The following GRIP1 variants were observed in gnomAD, a reference collection of about 807,000 sequenced individuals.
The protein encoded by GRIP1 is glutamate receptor-interacting protein 1.
In GRIP1, 45 loss-of-function variants were observed where a neutral mutation model predicts 129.9. The ratio of observed to expected loss-of-function variants is 0.35; its 90% confidence interval spans 0.27 to 0.44. GRIP1 has a LOEUF of 0.44. GRIP1 is among the 20% of genes least tolerant of loss of function. GRIP1 has a pLI of 1.00. For synonymous variants in GRIP1, 530 were observed against 520.8 expected, an observed-to-expected ratio of 1.02 and a Z score of -0.24; for missense variants, 1,196 against 1,396.8, an observed-to-expected ratio of 0.86 and a Z score of 2.29.
chr12:66,994,856 T>C (rs1428903745), intron 1 of GRIP1, among the ~76,000 whole-genome samples: 1 of 152,070 alleles, frequency 6.6e-6, no homozygotes, highest in Non-Finnish European at 1.5e-5. Context: ...AAAATTTATA[T>C]GGAATTTCAA....
chr12:66,772,236 C>A (rs546884511), intron 1 of GRIP1, among the ~76,000 whole-genome samples: 1 of 152,338 alleles, frequency 6.6e-6, no homozygotes, highest in African/African-American at 2.4e-5. Context: ...TAGAGCTCTC[C>A]ATCCCATCCT....
rs191920126 is a variant in GRIP1 at position 67,012,502 on chromosome 12, C to T, written c.58+56548G>A. On this transcript the variant is annotated intron_variant, in intron 1 of 1. Transcript: ENST00000643019. ...TTCCAATCTTAGGTTTCTAAGCCAT[C>T]ACTTAGGACCTGCCCATTAAGAGCA... Among the ~76,000 whole-genome samples, 14 of 152,298 alleles carry T rather than the reference C, an allele frequency of 9.2e-5. 1 individual carries two copies. Among genetic ancestry groups the T allele is most frequent in the Admixed American group, 7.9e-4 (12 of 15,280 alleles).
chr12:66,901,855 A>G (rs1268783147), intron 1 of GRIP1, among the ~76,000 whole-genome samples: 1 of 152,198 alleles, frequency 6.6e-6, no homozygotes, highest in Non-Finnish European at 1.5e-5. Flanking sequence ...AGTTCCATTG[A>G]GTGTTCCACA....
intron 15 of GRIP1, among the ~76,000 whole-genome samples, chr12:66,417,029 A>G (rs1179398643): frequency 6.6e-6 from 1 of 152,116 alleles, no homozygotes; most frequent in Non-Finnish European, 1.5e-5. Context: ...ACATTGATGC[A>G]AAAATCCTTA....
At chr12:66,540,695 G>A (rs1592515624) in intron 3 of GRIP1, among the ~76,000 whole-genome samples, 1 of 152,190 alleles carries the variant, frequency 6.6e-6, no homozygotes, top group East Asian at 1.9e-4. Context: ...ATTTTATGGG[G>A]CAAGAACTCA....
intron 7 of GRIP1, among the ~76,000 whole-genome samples, chr12:66,473,596 G>A (rs2059510617): frequency 6.6e-6 from 1 of 152,200 alleles, no homozygotes; most frequent in African/African-American, 2.4e-5. Context: ...GCTGGCATCG[G>A]GTGGGTGCCC....
At chr12:66,641,586 A>G (rs554733025) in intron 1 of GRIP1, among the ~76,000 whole-genome samples, 1 of 152,326 alleles carries the variant, frequency 6.6e-6, no homozygotes, top group East Asian at 1.9e-4. Flanking sequence ...GACACATAGG[A>G]GCAACTGGAT....
intron 7 of GRIP1, among the ~76,000 whole-genome samples, chr12:66,474,692 G>T (rs1007841267): frequency 7.3e-5 from 11 of 150,548 alleles, no homozygotes; most frequent in South Asian, 2.1e-4. Context: ...TTAAAGAAAA[G>T]AATTTTCAAC....
At chr12:66,941,833 C>T (rs1676429403) in intron 1 of GRIP1, among the ~76,000 whole-genome samples, 1 of 152,194 alleles carries the variant, frequency 6.6e-6, no homozygotes, top group Non-Finnish European at 1.5e-5. Flanking sequence ...TAGCACTATT[C>T]AGTGGAGGAT....
intron 1 of GRIP1, among the ~76,000 whole-genome samples, chr12:67,046,217 C>T (rs537380861): frequency 3.0e-4 from 45 of 152,278 alleles, no homozygotes; most frequent in South Asian, 4.1e-4. Flanking sequence ...CCCTATGAAG[C>T]GGGCAGAAGC....
chr12:66,473,622 T>C (rs2059511626), intron 7 of GRIP1, among the ~76,000 whole-genome samples: 1 of 152,112 alleles, frequency 6.6e-6, no homozygotes, highest in Non-Finnish European at 1.5e-5. Flanking sequence ...GGACGAAGCT[T>C]CCAAAGGAAG....
chr12:66,985,458 C>T (rs2042298323), intron 1 of GRIP1, among the ~76,000 whole-genome samples: 1 of 152,044 alleles, frequency 6.6e-6, no homozygotes, highest in African/African-American at 2.4e-5. Context: ...AATTAAACAC[C>T]TCAGGAATTA....
At chr12:66,882,130 T>A (rs1473605727) in intron 1 of GRIP1, among the ~76,000 whole-genome samples, 1 of 151,664 alleles carries the variant, frequency 6.6e-6, no homozygotes, top group Non-Finnish European at 1.5e-5. Flanking sequence ...ACTTGGTTCC[T>A]CTGTCATTAA....
At chr12:66,735,456 G>A (rs572565230) in intron 1 of GRIP1, among the ~76,000 whole-genome samples, 4 of 152,272 alleles carry the variant, frequency 2.6e-5, no homozygotes, top group South Asian at 2.1e-4. Context: ...CAGTGACAGC[G>A]GTGGCAGGGG....
chr12:66,582,203 C>T (rs1034169598), intron 2 of GRIP1, among the ~76,000 whole-genome samples: 6 of 150,730 alleles, frequency 4.0e-5, no homozygotes, highest in African/African-American at 9.8e-5. Context: ...CAAAATTCAA[C>T]AACCCTTCAT....
chr12:66,704,971 C>T (rs1184222205), intron 1 of GRIP1, among the ~76,000 whole-genome samples: 1 of 152,028 alleles, frequency 6.6e-6, no homozygotes, highest in African/African-American at 2.4e-5. Flanking sequence ...TTGTCTTTCT[C>T]TTGTCTAGAT....
intron 1 of GRIP1, among the ~76,000 whole-genome samples, chr12:66,858,802 A>C (rs1471807872): frequency 6.6e-6 from 1 of 151,918 alleles, no homozygotes; most frequent in Non-Finnish European, 1.5e-5. Context: ...ATGGGGGGAG[A>C]GGGGGATATG....
intron 1 of GRIP1, among the ~76,000 whole-genome samples, chr12:66,639,386 G>A (rs778041456): frequency 5.9e-5 from 9 of 152,134 alleles, no homozygotes; most frequent in Non-Finnish European, 1.2e-4. Flanking sequence ...GGGGGAGGGC[G>A]TTCCAGGAAA....
chr12:66,954,111 A>T (rs967935301), intron 1 of GRIP1, among the ~76,000 whole-genome samples: 6 of 152,088 alleles, frequency 3.9e-5, no homozygotes, highest in African/African-American at 1.2e-4. Flanking sequence ...CGTTGCCTTT[A>T]TCACCTCTCA....
Sources: gnomAD v4.1 joint callset for allele counts (sites outside exome capture counted in the v4.1 genomes callset) on GRCh38, gnomAD v4.1.1 for gene constraint, MANE v1.5 for transcripts, NCBI Gene and HGNC (gene_info 2026-07-23, HGNC 2026-07-21) for gene names.